CRYGN: variants seen among roughly 807,000 people sequenced by gnomAD.
CRYGN encodes the protein gamma-crystallin N.
CRYGN carries 17 observed loss-of-function variants against 19.2 expected under a neutral mutation model. That is an observed-to-expected ratio of 0.89 (90% CI 0.61 to 1.33). The LOEUF is 1.33. Ranked by LOEUF, CRYGN falls within the 40% of genes most tolerant of loss-of-function variation. The pLI is 0.00. For synonymous variants in CRYGN, 84 were observed against 85.8 expected, an observed-to-expected ratio of 0.98 and a Z score of 0.12; for missense variants, 239 against 239.6, an observed-to-expected ratio of 1.00 and a Z score of 0.02.
rs1359764742 is a variant in CRYGN at position 151,439,847 on chromosome 7, G to A, written c.21+50C>T. 42 of 1,531,926 alleles carry A rather than the reference G, an allele frequency of 2.7e-5. No individual in the cohort carries two copies. In the East Asian group the frequency reaches 9.5e-4, roughly 35 times the overall value. 94.9% of individuals were successfully genotyped at this position (1,531,926 alleles called of 1,614,324 possible). On this transcript the variant is annotated intron_variant, in intron 1 of 3. Coordinates refer to ENST00000337323, the MANE Select transcript of CRYGN (RefSeq NM_144727.3). ...CCTCCTGCATCCCCTAGCACAGGGGGCGAAGGCGGAGCCCCACTCGGTTTC... is the reference window on the plus strand; with the variant it reads ...CCTCCTGCATCCCCTAGCACAGGGGACGAAGGCGGAGCCCCACTCGGTTTC...
chr7:151,434,516 A>G (rs1478216445), intron 3 of CRYGN, among the ~76,000 whole-genome samples: 3 of 152,216 alleles, frequency 2.0e-5, no homozygotes, highest in Non-Finnish European at 2.9e-5. Context: ...AGAGTGACAG[A>G]AACAGCAGGA....
At chr7:151,438,686 T>C (rs1801683478) in intron 1 of CRYGN, 1 of 159,226 alleles carries the variant, frequency 6.3e-6, no homozygotes, top group Non-Finnish European at 1.4e-5. Flanking sequence ...ACCCAGCATA[T>C]ATTTTGCAGA....
Position 151,435,658 on chromosome 7 carries a change from T to C in CRYGN, c.416+522A>G, listed in dbSNP as rs1006052341. Among the ~76,000 whole-genome samples, 2 of 137,524 alleles carry C rather than the reference T, an allele frequency of 1.5e-5. No homozygotes were observed. The highest frequency in any genetic ancestry group is 5.5e-5 in the African/African-American group (2 of 36,078). 90.2% of individuals were successfully genotyped at this position (137,524 alleles called of 152,430 possible). ...CATCTCCTCCCAGAGGCCAGGGTGG[T>C]GGGGGTTTGCAGAGAGGCCCGGTTC... On this transcript the variant is annotated intron_variant, in intron 3 of 3. Transcript: ENST00000337323. This position sits in a 1 kb window ranked among gnomAD's most constrained non-coding sequence, Gnocchi z 4.2.
intron 2 of CRYGN, 162 bp downstream of exon 2, chr7:151,437,834 C>T (rs1801654953): frequency 6.7e-7 from 1 of 1,495,356 alleles, no homozygotes; most frequent in Non-Finnish European, 8.9e-7. Context: ...CCCCCACCTA[C>T]TCACCTCATG....
chr7:151,432,629 C>A (rs1041609869), intron 3 of CRYGN, among the ~76,000 whole-genome samples: 4 of 152,230 alleles, frequency 2.6e-5, no homozygotes, highest in Non-Finnish European at 5.9e-5. Flanking sequence ...CGTGGTGAAA[C>A]CCCGTCTCTA....
chr7:151,438,273 G>T (rs771639880), intron 1 of CRYGN, 29 bp from the exon 2 acceptor site: 1 of 1,583,368 alleles, frequency 6.3e-7, no homozygotes, highest in Middle Eastern at 1.8e-4. Context: ...AGAGCTCAGG[G>T]TCAGGGGCTT....
At chr7:151,434,114 G>A (rs952928467) in intron 3 of CRYGN, among the ~76,000 whole-genome samples, 4 of 152,170 alleles carry the variant, frequency 2.6e-5, no homozygotes, top group East Asian at 1.9e-4. Context: ...ACCTGGGGGC[G>A]TTACCTCCTT....
chr7:151,435,032 C>T lies in CRYGN; in HGVS notation c.416+1148G>A, dbSNP rs143907335. On this transcript the variant is annotated intron_variant, in intron 3 of 3. Transcript: ENST00000337323. The surrounding 1 kb of genome is among the most constrained non-coding windows in gnomAD (Gnocchi z 4.2). ...AGACACAATTGTGGGGGGATATTTT[C>T]GCTGTGCGGTTGGAGCCCATGGACA... Among the ~76,000 whole-genome samples the T allele has an allele frequency of 3.5e-3, 540 of 152,304 alleles. 3 individuals are homozygous for T. Among genetic ancestry groups the T allele is most frequent in the Non-Finnish European group, 5.9e-3 (404 of 68,032 alleles).
rs150269394 is a variant in CRYGN at position 151,438,701 on chromosome 7, C to T, written c.22-457G>A. ...ACCCAGCATATATTTTGCAGAAATT[C>T]GGGTTCCTGGGATTGGGCCTCCTTC... On this transcript the variant is annotated intron_variant, in intron 1 of 3. Transcript: ENST00000337323. The T allele has an allele frequency of 2.8e-3, 447 of 158,916 alleles. 3 individuals are homozygous for T. The highest frequency in any genetic ancestry group is 0.01 in the African/African-American group (422 of 41,622). 9.8% of individuals were successfully genotyped at this position (158,916 alleles called of 1,614,324 possible).
upstream of CRYGN, chr7:151,440,455 C>G (rs1801736671): frequency 6.5e-6 from 1 of 154,272 alleles, no homozygotes; most frequent in East Asian, 1.9e-4. Context: ...CCTGGCTGCT[C>G]TGGTCTGAGC....
In CRYGN at chr7:151,439,942, TC is replaced by T; in HGVS notation, c.-26del. The T allele has an allele frequency of 6.5e-7, 1 of 1,530,270 alleles. No individual in the cohort carries two copies. Among genetic ancestry groups the T allele is most frequent in the South Asian group, 1.2e-5 (1 of 81,712 alleles). 94.8% of individuals were successfully genotyped at this position (1,530,270 alleles called of 1,614,324 possible). On this transcript the variant is annotated 5_prime_UTR_variant, in exon 1 of 4. Coordinates refer to ENST00000337323, the MANE Select transcript of CRYGN (RefSeq NM_144727.3). ...TGGTGCGCCCCGCCCCTTCCGCGGGTCCCCGTTTACACCGGGCAGCGCCCTG... is the reference window on the plus strand; with the variant it reads ...TGGTGCGCCCCGCCCCTTCCGCGGGTCCCGTTTACACCGGGCAGCGCCCTG...
At position 151,436,171 on chromosome 7, in the gene CRYGN, T is replaced by C. The variant is rs553019943; in HGVS notation, c.416+9A>G. On this transcript the variant is annotated intron_variant, in intron 3 of 3. Transcript: ENST00000337323. This position sits in a 1 kb window ranked among gnomAD's most constrained non-coding sequence, Gnocchi z 5.1. ...GGCCTCGGGGTGCGGCCACGTGGCC[T>C]GTACTCACGCTCCGTCCCCGTACAC... 116 of 1,462,982 alleles carry C rather than the reference T, an allele frequency of 7.9e-5. No homozygotes were observed. In the East Asian group the frequency reaches 2.2e-3, roughly 27 times the overall value. The allele number at this position is 1,462,982 out of a possible 1,614,324, so 90.6% of individuals were successfully genotyped here. A position where few individuals can be genotyped will look rare whatever the true frequency, so the allele number is the denominator to read the frequency against.
rs1801460001 is a variant in CRYGN, at chr7:151,431,420, G to A, written c.417-1240C>T. On this transcript the variant is annotated intron_variant, in intron 3 of 3. Coordinates refer to ENST00000337323, the MANE Select transcript of CRYGN (RefSeq NM_144727.3). This position sits in a 1 kb window ranked among gnomAD's most constrained non-coding sequence, Gnocchi z 4.8. Reference sequence around the variant, plus strand: ...AGATTCAAGCCCACCCCAACAGGAGGACCCAGTGTCCTGGAGAGGGCCCAG... The same window carrying A: ...AGATTCAAGCCCACCCCAACAGGAGAACCCAGTGTCCTGGAGAGGGCCCAG... 6.6e-6 allele frequency among the ~76,000 whole-genome samples: 1 copy of A among 152,140 alleles called. No homozygotes were observed. The highest frequency in any genetic ancestry group is 2.1e-4 in the South Asian group (1 of 4,828).
intron 1 of CRYGN, chr7:151,438,933 C>T (rs1801689350): frequency 6.6e-6 from 1 of 152,328 alleles, no homozygotes; most frequent in African/African-American, 2.4e-5. Flanking sequence ...CACAGGTTGT[C>T]CTTGTCCCGA....
Position 151,430,075 on chromosome 7 carries a change from CTGGG to C in CRYGN, c.518_521del (p.Thr173SerfsTer5). On this transcript the variant is annotated frameshift_variant, in exon 4 of 4. Coordinates refer to ENST00000337323, the MANE Select transcript of CRYGN (RefSeq NM_144727.3). LOFTEE classifies it high-confidence loss of function. This position sits in a 1 kb window ranked among gnomAD's most constrained non-coding sequence, Gnocchi z 5.2. Reference sequence around the variant, plus strand: ...AGAGGTTTGCAGTCAGGAAAGGTGGCTGGGTTGTTGCTGGTTTTGTGGTGGCCTC... The same window carrying C: ...AGAGGTTTGCAGTCAGGAAAGGTGGCTTGTTGCTGGTTTTGTGGTGGCCTC... 2 of 1,345,906 alleles carry C rather than the reference CTGGG, an allele frequency of 1.5e-6. No homozygotes were observed. The highest frequency in any genetic ancestry group is 2.1e-6 in the Non-Finnish European group (2 of 935,028). The allele number at this position is 1,345,906 out of a possible 1,614,324, so 83.4% of individuals were successfully genotyped here.
At position 151,438,097 on chromosome 7, in the gene CRYGN, AGTCGGG is replaced by A. The variant is rs1381131337; in HGVS notation, c.163_168del (p.Pro55_Asp56del). On this transcript the variant is annotated inframe_deletion, in exon 2 of 4. Transcript: ENST00000337323. ...TCCAAGATGAACTGCTGGCCCCGGA[AGTCGGG>A]GTGATTGAAGCAGACCCAGGCTCCG... 7.4e-6 allele frequency: 12 copies of A among 1,614,166 alleles called. No individual in the cohort carries two copies. The highest frequency in any genetic ancestry group is 1.0e-5 in the Non-Finnish European group (12 of 1,180,034).
At position 151,435,784 on chromosome 7, in the gene CRYGN, G is replaced by A. The variant is rs1246609171; in HGVS notation, c.416+396C>T. On this transcript the variant is annotated intron_variant, in intron 3 of 3. Transcript: ENST00000337323. This position sits in a 1 kb window ranked among gnomAD's most constrained non-coding sequence, Gnocchi z 4.2. ...TGGCTTTTCCAGCCCATAAGGCCCT[G>A]GAGGACCCCTTGGTAAGCAGGTGTC... 6.6e-6 allele frequency among the ~76,000 whole-genome samples: 1 copy of A among 152,174 alleles called. No homozygotes were observed. Among genetic ancestry groups the A allele is most frequent in the Non-Finnish European group, 1.5e-5 (1 of 68,022 alleles).
At chr7:151,440,280 C>T, upstream of CRYGN, 1 of 360,472 alleles carries the variant, frequency 2.8e-6, no homozygotes. Flanking sequence ...CCCCTCAGCC[C>T]TCACGCCCAT....
Position 151,429,439 on chromosome 7 carries a change from G to C in CRYGN, c.*609C>G, listed in dbSNP as rs1801417276. On this transcript the variant is annotated 3_prime_UTR_variant, in exon 4 of 4. Coordinates refer to ENST00000337323, the MANE Select transcript of CRYGN (RefSeq NM_144727.3). ...TGATTGCACTCATTTCACAGAACAG[G>C]GTCTGAGGCCTGGAGAGGCTTTGGG... The C allele has an allele frequency of 6.2e-6, 1 of 162,430 alleles. No individual in the cohort carries two copies. Among genetic ancestry groups the C allele is most frequent in the Non-Finnish European group, 1.4e-5 (1 of 73,216 alleles). 10.1% of individuals were successfully genotyped at this position (162,430 alleles called of 1,614,324 possible).
Sources: allele counts gnomAD v4.1 joint callset (sites outside exome capture counted in the v4.1 genomes callset), GRCh38; gene constraint gnomAD v4.1.1; non-coding constraint Gnocchi (gnomAD v3.1); transcripts MANE v1.5; gene names NCBI Gene and HGNC (gene_info 2026-07-23, HGNC 2026-07-21).